The following UBC variants were observed in gnomAD, a reference collection of about 807,000 sequenced individuals.
UBC encodes polyubiquitin-C.
A neutral mutation model predicts 34.7 loss-of-function variants in UBC; 8 were observed. That is an observed-to-expected ratio of 0.23 (90% CI 0.14 to 0.42). UBC has a LOEUF of 0.42. Among genes scored for constraint, UBC ranks in the 10% least tolerant of loss-of-function variants. The probability of loss-of-function intolerance (pLI) is 1.00; values close to 1 mark genes in which losing one functional copy is unlikely to be tolerated. For missense variants in UBC, 323 were observed against 750.3 expected, an observed-to-expected ratio of 0.43 and a Z score of 6.65; for synonymous variants, 367 against 299.8, an observed-to-expected ratio of 1.22 and a Z score of -2.32.
rs749088964 is a variant in UBC at position 124,911,933 on chromosome 12, C to T, written c.1839G>A (p.Val613=). 1.2e-6 allele frequency: 2 copies of T among 1,604,434 alleles called. No individual in the cohort carries two copies. The highest frequency in any genetic ancestry group is 1.7e-6 in the Non-Finnish European group (2 of 1,176,256). ...LRLRGGMQIF[V]KTLTGKTITL... is the part of the protein sequence containing the mutation. ...TGATGGTCTTACCAGTCAGGGTCTT[C>T]ACGAAGATTTGCATCCCACCTCTGA... is the stretch of plus-strand genomic sequence containing the variant. The change falls in exon 2 of 2, where the codon GTG becomes GTA. Residue 613 remains valine, a synonymous_variant. Transcript: ENST00000339647.
Position 124,912,595 on chromosome 12 carries a change from T to C in UBC, c.1177A>G (p.Ile393Val). 1 of 1,603,536 alleles carries C rather than the reference T, an allele frequency of 6.2e-7. No individual in the cohort carries two copies. The highest frequency in any genetic ancestry group is 8.5e-7 in the Non-Finnish European group (1 of 1,176,766). ...TCACTCGGCTCCACCTCGAGAGTGA[T>C]GGTCTTACCAGTCAGGGTCTTCACG... ...IFVKTLTGKT[I>V]TLEVEPSDTI... The change falls in exon 2 of 2, where the codon ATC (isoleucine) becomes GTC (valine). Residue 393 changes from isoleucine (I) to valine (V), a missense_variant. Around this residue, in one of 5 missense-constraint regions of UBC, gnomAD observed 66 missense variants for 125.4 expected, o/e 0.53. Coordinates refer to ENST00000339647, the MANE Select transcript of UBC (RefSeq NM_021009.7).
chr12:124,913,479 G>T lies in UBC; in HGVS notation c.293C>A (p.Thr98Asn). The change falls in exon 2 of 2, where the codon ACC becomes AAC. Residue 98 changes from threonine (T) to asparagine (N), a missense_variant. Thr to Asn is a moderately conservative substitution (Grantham distance 65, BLOSUM62 0). This residue lies in a region of UBC where 202 missense variants were observed against 361.9 expected (regional missense o/e 0.56). Transcript: ENST00000339647. ...GATCTTTGCTTTGACGTTCTCGATG[G>T]TGTCACTGGGCTCGACCTCAAGGGT... ...TITLEVEPSD[T>N]IENVKAKIQD... 1 of 1,611,416 alleles carries T rather than the reference G, an allele frequency of 6.2e-7. No individual in the cohort carries two copies. Among genetic ancestry groups the T allele is most frequent in the South Asian group, 1.1e-5 (1 of 90,734 alleles).
rs746125336 is a variant in UBC, at chr12:124,913,675, T to C, written c.97A>G (p.Lys33Glu). ...TGCTGGTCAGGAGGGATGCCTTCCT[T>C]ATCTTGGATCTTTGCCTTGACATTC... is the stretch of plus-strand genomic sequence containing the variant. ...IENVKAKIQD[K>E]EGIPPDQQRL... is the part of the protein sequence containing the mutation. Residue 33 changes from lysine (K) to glutamate (E), a missense_variant, in exon 2 of 2, where the codon AAG (lysine) becomes GAG (glutamate). Physicochemically the swap from Lys to Glu is moderately conservative, Grantham distance 56 (BLOSUM62 1). Around this residue, in one of 5 missense-constraint regions of UBC, gnomAD observed 202 missense variants for 361.9 expected, o/e 0.56. Transcript: ENST00000339647. The C allele has an allele frequency of 1.9e-6, 3 of 1,613,706 alleles. No homozygotes were observed. Among genetic ancestry groups the C allele is most frequent in the Non-Finnish European group, 1.7e-6 (2 of 1,179,912 alleles).
chr12:124,914,129 G>A (rs1004483861), intron 1 of UBC: 5 of 292,168 alleles, frequency 1.7e-5, no homozygotes, highest in Non-Finnish European at 2.6e-5. Flanking sequence ...TAAGCCAACA[G>A]AACGGGTGAC....
At position 124,913,604 on chromosome 12, in the gene UBC, C is replaced by T. The variant is rs745893174; in HGVS notation, c.168G>A (p.Leu56=). 2 of 1,612,166 alleles carry T rather than the reference C, an allele frequency of 1.2e-6. No homozygotes were observed. The highest frequency in any genetic ancestry group is 4.5e-5 in the East Asian group (2 of 44,822). Residue 56 remains leucine (L), a synonymous_variant, in exon 2 of 2, where the codon CTG becomes CTA. Coordinates refer to ENST00000339647, the MANE Select transcript of UBC (RefSeq NM_021009.7). The part of the protein sequence containing the change: ...AGKQLEDGRT[L]SDYNIQKEST... ...ACTCTTTCTGGATGTTGTAGTCAGA[C>T]AGGGTGCGCCCATCTTCCAGCTGTT...
Position 124,913,745 on chromosome 12 carries a change from A to T in UBC, c.27T>A (p.Thr9=). The T allele has an allele frequency of 1.9e-6, 3 of 1,614,210 alleles. No individual in the cohort carries two copies. The highest frequency in any genetic ancestry group is 2.5e-6 in the Non-Finnish European group (3 of 1,180,028). MQIFVKTL[T]GKTITLEVEP... The stretch of plus-strand genomic sequence containing the variant: ...CAACCTCGAGGGTGATGGTCTTACC[A>T]GTCAGAGTCTTCACGAAGATCTGCA... Residue 9 remains threonine, a synonymous_variant, in exon 2 of 2, where the codon ACT becomes ACA. Transcript: ENST00000339647.
Position 124,912,695 on chromosome 12 carries a change from G to A in UBC, c.1077C>T (p.Thr359=), listed in dbSNP as rs748135443. The change falls in exon 2 of 2, where the codon ACC becomes ACT. Residue 359 remains threonine, a synonymous_variant. Transcript: ENST00000339647. The part of the protein sequence containing the change: ...FAGKQLEDGR[T]LSDYNIQKES... ...CTTTCTGGATGTTGTAGTCAGACAGGGTACGACCATCTTCCAGCTGTTTTC... is the reference window on the plus strand; with the variant it reads ...CTTTCTGGATGTTGTAGTCAGACAGAGTACGACCATCTTCCAGCTGTTTTC... 1.9e-6 allele frequency: 3 copies of A among 1,610,006 alleles called. No individual in the cohort carries two copies. The highest frequency in any genetic ancestry group is 1.7e-5 in the Admixed American group (1 of 59,568).
rs142489659 is a variant in UBC, at chr12:124,911,864, T to C, written c.1908A>G (p.Ala636=). ...GGATGCCTTCCTTATCTTGGATCTTTGCCTTGACATTCTCGATGGTGTCAC... is the reference window on the plus strand; with the variant it reads ...GGATGCCTTCCTTATCTTGGATCTTCGCCTTGACATTCTCGATGGTGTCAC... ...EPSDTIENVK[A]KIQDKEGIPP... is the part of the protein sequence containing the mutation. Residue 636 remains alanine, a synonymous_variant, in exon 2 of 2, where the codon GCA becomes GCG. Transcript: ENST00000339647. The C allele has an allele frequency of 2.6e-5, 42 of 1,610,610 alleles. No individual in the cohort carries two copies. The African/African-American group carries it at 5.3e-4, about 20-fold the overall frequency.
At chr12:124,914,104 C>T (rs1031095521) in intron 1 of UBC, 4 of 363,184 alleles carry the variant, frequency 1.1e-5, no homozygotes, top group African/African-American at 4.2e-5. Flanking sequence ...CGGCAGGTGG[C>T]CCCACCCTGC....
rs918014021 is a variant in UBC at position 124,914,645 on chromosome 12, G to A, written c.-62C>T. ...CTGCGACCCAAATCCCGGCTGCGAC[G>A]GAACTAGCTGTGCCACACCCGGCGC... On this transcript the variant is annotated 5_prime_UTR_variant, in exon 1 of 2. Coordinates refer to ENST00000339647, the MANE Select transcript of UBC (RefSeq NM_021009.7). 1.3e-5 allele frequency: 2 copies of A among 152,340 alleles called. No homozygotes were observed. Among genetic ancestry groups the A allele is most frequent in the African/African-American group, 4.8e-5 (2 of 41,454 alleles). The allele number at this position is 152,340 out of a possible 1,614,324, so 9.4% of individuals were successfully genotyped here. A position where few individuals can be genotyped will look rare whatever the true frequency, so the allele number is the denominator to read the frequency against.
At position 124,913,737 on chromosome 12, in the gene UBC, G is replaced by T; in HGVS notation, c.35C>A (p.Thr12Asn). 2.5e-6 allele frequency: 4 copies of T among 1,614,208 alleles called. No homozygotes were observed. Among genetic ancestry groups the T allele is most frequent in the Non-Finnish European group, 3.4e-6 (4 of 1,180,032 alleles). The change falls in exon 2 of 2, where the codon ACC (threonine) becomes AAC (asparagine). Residue 12 changes from threonine (T) to asparagine (N), a missense_variant. Transcript: ENST00000339647. ...QIFVKTLTGK[T>N]ITLEVEPSDT... ...ACTGGGCTCAACCTCGAGGGTGATG[G>T]TCTTACCAGTCAGAGTCTTCACGAA...
In UBC at chr12:124,912,661, A is replaced by C. The variant is rs201589267; in HGVS notation, c.1111T>G (p.Leu371Val). 28 of 1,567,076 alleles carry C rather than the reference A, an allele frequency of 1.8e-5. No individual in the cohort carries two copies. Among genetic ancestry groups the C allele is most frequent in the Non-Finnish European group, 2.1e-5 (24 of 1,161,414 alleles). ...SDYNIQKEST[L>V]HLVLRLRGGM... ...CCTCTGAGACGGAGCACCAGGTGCA[A>C]GGTGGACTCTTTCTGGATGTTGTAG... Residue 371 changes from leucine (L) to valine (V), a missense_variant, in exon 2 of 2, where the codon TTG becomes GTG. Leu to Val is a conservative substitution (Grantham distance 32). Transcript: ENST00000339647.
chr12:124,912,712 G>A lies in UBC; in HGVS notation c.1060C>T (p.Leu354=). 1 of 1,609,660 alleles carries A rather than the reference G, an allele frequency of 6.2e-7. No individual in the cohort carries two copies. Among genetic ancestry groups the A allele is most frequent in the Non-Finnish European group, 8.5e-7 (1 of 1,178,936 alleles). ...QQRLIFAGKQ[L]EDGRTLSDYN... is the part of the protein sequence containing the mutation. ...TCAGACAGGGTACGACCATCTTCCA[G>A]CTGTTTTCCGGCAAAGATCAACCTC... Residue 354 remains leucine (L), a synonymous_variant, in exon 2 of 2, where the codon CTG becomes TTG. Transcript: ENST00000339647.
At position 124,913,732 on chromosome 12, in the gene UBC, T is replaced by A; in HGVS notation, c.40A>T (p.Thr14Ser). 1 of 1,614,176 alleles carries A rather than the reference T, an allele frequency of 6.2e-7. No individual in the cohort carries two copies. The highest frequency in any genetic ancestry group is 8.5e-7 in the Non-Finnish European group (1 of 1,180,038). ...GTGTCACTGGGCTCAACCTCGAGGG[T>A]GATGGTCTTACCAGTCAGAGTCTTC... ...FVKTLTGKTI[T>S]LEVEPSDTIE... Residue 14 changes from threonine to serine, a missense_variant, in exon 2 of 2, where the codon ACC (threonine) becomes TCC (serine). Physicochemically the swap from Thr to Ser is moderately conservative, Grantham distance 58. Around this residue, in one of 5 missense-constraint regions of UBC, gnomAD observed 202 missense variants for 361.9 expected, o/e 0.56. Transcript: ENST00000339647.
Position 124,913,547 on chromosome 12 carries a change from A to G in UBC, c.225T>C (p.Gly75=). 5 of 1,602,412 alleles carry G rather than the reference A, an allele frequency of 3.1e-6. No homozygotes were observed. Among genetic ancestry groups the G allele is most frequent in the Non-Finnish European group, 4.2e-6 (5 of 1,177,126 alleles). ...STLHLVLRLR[G]GMQIFVKTLT... is the part of the protein sequence containing the mutation. ...GTGTCTTCACGAAGATTTGCATCCC[A>G]CCTCTGAGACGGAGCACCAGGTGCA... The change falls in exon 2 of 2, where the codon GGT becomes GGC. Residue 75 remains glycine (G), a synonymous_variant. Coordinates refer to ENST00000339647, the MANE Select transcript of UBC (RefSeq NM_021009.7).
rs141011497 is a variant in UBC, at chr12:124,913,763, G to A, written c.9C>T (p.Ile3=). 4.3e-5 allele frequency: 69 copies of A among 1,613,898 alleles called. No individual in the cohort carries two copies. The highest frequency in any genetic ancestry group is 2.7e-4 in the Admixed American group (16 of 59,984). Residue 3 remains isoleucine, a synonymous_variant, in exon 2 of 2, where the codon ATC becomes ATT. Transcript: ENST00000339647. The stretch of plus-strand genomic sequence containing the variant: ...TCTTACCAGTCAGAGTCTTCACGAA[G>A]ATCTGCATTGTCTAACAAAAAAGCC... MQ[I]FVKTLTGKTI... is the part of the protein sequence containing the mutation.
rs536626354 is a variant in UBC at position 124,913,268 on chromosome 12, C to G, written c.504G>C (p.Glu168Asp). The change falls in exon 2 of 2, where the codon GAG becomes GAC. Residue 168 changes from glutamate (E) to aspartate (D), a missense_variant. This residue lies in a region of UBC where 202 missense variants were observed against 361.9 expected (regional missense o/e 0.56). Coordinates refer to ENST00000339647, the MANE Select transcript of UBC (RefSeq NM_021009.7). ...TCTCGATGGTGTCACTGGGCTCCAC[C>G]TCGAGGGTGATGGTCTTACCAGTCA... ...KTLTGKTITL[E>D]VEPSDTIENV... is the part of the protein sequence containing the mutation. The G allele has an allele frequency of 6.2e-7, 1 of 1,609,300 alleles. No individual in the cohort carries two copies. Among genetic ancestry groups the G allele is most frequent in the Non-Finnish European group, 8.5e-7 (1 of 1,177,568 alleles).
Position 124,911,713 on chromosome 12 carries a change from CTT to C in UBC, c.2057_2058del (p.Ter686CysfsTer5), listed in dbSNP as rs778306903. 1 of 1,603,024 alleles carries C rather than the reference CTT, an allele frequency of 6.2e-7. No homozygotes were observed. The highest frequency in any genetic ancestry group is 8.5e-7 in the Non-Finnish European group (1 of 1,173,322). Reference sequence around the variant, plus strand: ...TTTGTTGAAACCTTAAAAGGGGAAACTTAGACACCCCCCCTCAAGCGCAGGAC... The same window carrying C: ...TTTGTTGAAACCTTAAAAGGGGAAACAGACACCCCCCCTCAAGCGCAGGAC... ...HLVLRLRGGV[*>X] On this transcript the variant is annotated frameshift_variant and stop_lost, in exon 2 of 2. Coordinates refer to ENST00000339647, the MANE Select transcript of UBC (RefSeq NM_021009.7). LOFTEE classifies it high-confidence loss of function.
intron 1 of UBC, 33 bp from the exon 2 acceptor site, chr12:124,913,807 G>A (rs754167009): frequency 3.1e-6 from 5 of 1,611,086 alleles, no homozygotes; most frequent in East Asian, 2.2e-5. Flanking sequence ...CCAGAATTTA[G>A]CGGACAATTT....
Sources: allele counts gnomAD v4.1 joint callset, GRCh38; gene constraint gnomAD v4.1.1; regional missense constraint gnomAD v4.1.1; transcripts MANE v1.5; gene names NCBI Gene and HGNC (gene_info 2026-07-23, HGNC 2026-07-21).